The following STXBP5 variants were observed in gnomAD, a reference collection of about 807,000 sequenced individuals.
STXBP5 encodes the protein syntaxin-binding protein 5.
Under a neutral mutation model 152.4 loss-of-function variants are expected in STXBP5, and 50 were observed. That is an observed-to-expected ratio of 0.33 (90% CI 0.26 to 0.42). The LOEUF (loss-of-function observed/expected upper bound fraction) is 0.42. Among genes scored for constraint, STXBP5 ranks in the 10% least tolerant of loss-of-function variants. The pLI is 1.00. For synonymous variants in STXBP5, 492 were observed against 494.7 expected (o/e 0.99, Z 0.07); for missense variants, 1,167 against 1,388.6 (o/e 0.84, Z 2.54).
At position 147,336,695 on chromosome 6, in the gene STXBP5, A is replaced by G. The variant is rs145469579; in HGVS notation, c.2146+2473A>G. Among the ~76,000 whole-genome samples the G allele has an allele frequency of 1.6e-3, 250 of 152,284 alleles. No homozygotes were observed. In the Middle Eastern group the frequency reaches 0.027, roughly 17 times the overall value. On this transcript the variant is annotated intron_variant, in intron 19 of 27. Transcript: ENST00000321680. ...TTAAAACCGATATAGCTAATATAAAATAAGTTGGTATTTATGGGAAAAGAA... is the reference window on the plus strand; with the variant it reads ...TTAAAACCGATATAGCTAATATAAAGTAAGTTGGTATTTATGGGAAAAGAA...
At chr6:147,211,769 CAG>C (rs1323557927) in intron 2 of STXBP5, among the ~76,000 whole-genome samples, 1 of 152,034 alleles carries the variant, frequency 6.6e-6, no homozygotes, top group Non-Finnish European at 1.5e-5. Context: ...TTGGCGGAGA[CAG>C]AGTTTCACCA....
intron 4 of STXBP5, among the ~76,000 whole-genome samples, chr6:147,258,403 A>T (rs1422185579): frequency 6.6e-6 from 1 of 152,130 alleles, no homozygotes; most frequent in Non-Finnish European, 1.5e-5. Flanking sequence ...GTGTACAAAC[A>T]TGCACACGCA....
chr6:147,368,956 T>C (rs1222391694), intron 25 of STXBP5, among the ~76,000 whole-genome samples: 1 of 151,856 alleles, frequency 6.6e-6, no homozygotes, highest in African/African-American at 2.4e-5. Flanking sequence ...GTCTTAAAAA[T>C]TTTTTAGAAA....
chr6:147,231,369 G>A (rs560475664), intron 2 of STXBP5, among the ~76,000 whole-genome samples: 67 of 151,946 alleles, frequency 4.4e-4, no homozygotes, highest in African/African-American at 1.5e-3. Context: ...TGGACCATGA[G>A]TCTAGCTGTG....
chr6:147,273,259 G>C (rs1562454232), intron 7 of STXBP5, among the ~76,000 whole-genome samples: 1 of 150,934 alleles, frequency 6.6e-6, no homozygotes, highest in Non-Finnish European at 1.5e-5. Flanking sequence ...AGCTACTTAA[G>C]AGGCTGAAGT....
intron 25 of STXBP5, 70 bp downstream of exon 25, chr6:147,364,236 G>T: frequency 1.5e-6 from 2 of 1,377,190 alleles, no homozygotes; most frequent in South Asian, 2.7e-5. Flanking sequence ...TATACTGTCT[G>T]CCCCTTATTC....
intron 7 of STXBP5, among the ~76,000 whole-genome samples, chr6:147,277,514 C>T (rs115113464): frequency 0.022 from 3,354 of 152,054 alleles, 130 homozygotes; most frequent in African/African-American, 0.077. Flanking sequence ...AGTTTTTAAG[C>T]GACCCAGAAG....
intron 8 of STXBP5, among the ~76,000 whole-genome samples, chr6:147,285,399 TAAAC>T (rs1226274726): frequency 6.6e-6 from 1 of 152,106 alleles, no homozygotes; most frequent in Non-Finnish European, 1.5e-5. Flanking sequence ...GATGAATAAA[TAAAC>T]CTATCTAGAC....
chr6:147,297,088 GAT>G (rs1358746858), intron 9 of STXBP5, among the ~76,000 whole-genome samples: 4 of 152,084 alleles, frequency 2.6e-5, no homozygotes, highest in East Asian at 1.9e-4. Context: ...AGTTGGGAGA[GAT>G]ATGTATATTC....
intron 27 of STXBP5, among the ~76,000 whole-genome samples, chr6:147,383,820 C>T (rs1166989552): frequency 6.6e-6 from 1 of 151,924 alleles, no homozygotes; most frequent in Admixed American, 6.6e-5. Flanking sequence ...CTCAAAAATG[C>T]GGAAATCTAG....
intron 4 of STXBP5, among the ~76,000 whole-genome samples, chr6:147,247,726 C>T (rs557143063): frequency 1.3e-5 from 2 of 152,104 alleles, no homozygotes; most frequent in African/African-American, 2.4e-5. Flanking sequence ...CCTTGTTTAA[C>T]GTGTGCAGTT....
intron 16 of STXBP5, among the ~76,000 whole-genome samples, chr6:147,321,972 CG>C (rs1264223760): frequency 3.3e-5 from 5 of 152,090 alleles, no homozygotes; most frequent in Non-Finnish European, 7.4e-5. Flanking sequence ...TACTTAAGAA[CG>C]TTTTTTTGTT....
Position 147,335,759 on chromosome 6 carries a change from C to T in STXBP5, c.2146+1537C>T, listed in dbSNP as rs562288808. 7.2e-5 allele frequency among the ~76,000 whole-genome samples: 11 copies of T among 152,068 alleles called. No individual in the cohort carries two copies. The South Asian group carries it at 2.1e-3, about 29-fold the overall frequency. On this transcript the variant is annotated intron_variant, in intron 19 of 27. Transcript: ENST00000321680. ...GAGCCTGCAGTGAGCCGAGATCGCG[C>T]CACTGCACTCCAGCCTGGGCGACAG...
chr6:147,375,349 G>GA (rs1237763000), intron 26 of STXBP5, among the ~76,000 whole-genome samples: 5 of 151,976 alleles, frequency 3.3e-5, no homozygotes, highest in African/African-American at 1.2e-4. Flanking sequence ...CAGTAGATGT[G>GA]AAAAAACCCA....
chr6:147,270,136 T>C (rs1477560194), intron 7 of STXBP5, among the ~76,000 whole-genome samples: 2 of 152,012 alleles, frequency 1.3e-5, no homozygotes, highest in African/African-American at 2.4e-5. Context: ...CGGTGGCTCA[T>C]TCCTGTAATC....
chr6:147,367,791 AAG>A (rs1449091355), intron 25 of STXBP5, among the ~76,000 whole-genome samples: 3 of 152,164 alleles, frequency 2.0e-5, no homozygotes, highest in South Asian at 2.1e-4. Flanking sequence ...CATATGAAGA[AAG>A]AAGTTATAAA....
rs561150160 is a variant in STXBP5 at position 147,260,330 on chromosome 6, T to C, written c.432-285T>C. Among the ~76,000 whole-genome samples, 4 of 152,296 alleles carry C rather than the reference T, an allele frequency of 2.6e-5. No homozygotes were observed. The East Asian group carries it at 7.7e-4, about 29-fold the overall frequency. On this transcript the variant is annotated intron_variant, in intron 4 of 27. Transcript: ENST00000321680. The stretch of plus-strand genomic sequence containing the variant: ...TGGCCTAAAGGGTAAATGTGTGGTA[T>C]GCCCAAGGTTACGCAGTTAGTGGAG...
intron 11 of STXBP5, among the ~76,000 whole-genome samples, chr6:147,313,025 A>G (rs1245667954): frequency 2.0e-5 from 3 of 152,196 alleles, no homozygotes; most frequent in Non-Finnish European, 4.4e-5. Flanking sequence ...TGTGTTATAA[A>G]GAGAAGAAAG....
chr6:147,300,486 G>C (rs896673658), intron 9 of STXBP5, among the ~76,000 whole-genome samples: 18 of 152,208 alleles, frequency 1.2e-4, no homozygotes, highest in African/African-American at 4.3e-4. Context: ...GTGTGGAATA[G>C]AGAGCCCAGA....
Sources: allele counts gnomAD v4.1 joint callset (sites outside exome capture counted in the v4.1 genomes callset), GRCh38; gene constraint gnomAD v4.1.1; transcripts MANE v1.5; gene names NCBI Gene and HGNC (gene_info 2026-07-23, HGNC 2026-07-21).